The following PRH1 variants were observed in gnomAD, a reference collection of about 807,000 sequenced individuals.
PRH1 encodes the protein proline rich protein HaeIII subfamily 1.
In PRH1, 7 loss-of-function variants were observed where a neutral mutation model predicts 7.9. The observed-to-expected ratio is 0.89, with a 90% CI of 0.50 to 1.67. PRH1 has a LOEUF of 1.67. Ranked by LOEUF, PRH1 falls within the 40% of genes most tolerant of loss-of-function variation. The pLI, the probability that PRH1 is intolerant of heterozygous loss-of-function variation, is 0.00. For missense variants in PRH1, 109 were observed against 223.6 expected, an observed-to-expected ratio of 0.49 and a Z score of 3.27; for synonymous variants, 45 against 80.8, an observed-to-expected ratio of 0.56 and a Z score of 2.38.
At chr12:11,147,503 T>C (rs943507647) in intron 1 of PRH1, among the ~76,000 whole-genome samples, 1 of 152,292 alleles carries the variant, frequency 6.6e-6, no homozygotes, top group East Asian at 1.9e-4. Flanking sequence ...ATTTTTTAAA[T>C]TTACATATTG....
At chr12:11,074,576 A>C (rs1336774036) in intron 1 of PRH1, among the ~76,000 whole-genome samples, 1 of 117,546 alleles carries the variant, frequency 8.5e-6, no homozygotes, top group East Asian at 2.1e-4. Context: ...GATAGTAAAC[A>C]GTTTTGTGCA....
At chr12:11,027,589 T>C (rs189546508) in intron 1 of PRH1, among the ~76,000 whole-genome samples, 2 of 152,262 alleles carry the variant, frequency 1.3e-5, no homozygotes, top group African/African-American at 4.8e-5. Flanking sequence ...TTGAGAATAT[T>C]GCTCTGACTC....
intron 1 of PRH1, among the ~76,000 whole-genome samples, chr12:11,041,288 C>CAAAAAAAAAAAAA (rs67144212): frequency 1.2e-5 from 1 of 81,374 alleles, no homozygotes; most frequent in African/African-American, 5.4e-5. Context: ...CAATGCAAAC[C>CAAAAAAAAAAAAA]AAAAAAAAAA....
In PRH1 at chr12:10,965,169, T is replaced by C. The variant is rs574829340; in HGVS notation, c.-59+8486A>G. On this transcript the variant is annotated intron_variant, in intron 2 of 3. Transcript: ENST00000539853. Reference sequence around the variant, plus strand: ...ACAGTTGCATACCAATGTAATAATATTACCCAGAGCAAACCAACTCTGGAG... The same window carrying C: ...ACAGTTGCATACCAATGTAATAATACTACCCAGAGCAAACCAACTCTGGAG... 28 of 1,473,604 alleles carry C rather than the reference T, an allele frequency of 1.9e-5. No individual in the cohort carries two copies. In the South Asian group the frequency reaches 2.1e-4, roughly 11 times the overall value. 91.3% of individuals were successfully genotyped at this position (1,473,604 alleles called of 1,614,324 possible). A position where few individuals can be genotyped will look rare whatever the true frequency, so the allele number is the denominator to read the frequency against.
At position 10,985,954 on chromosome 12, in the gene PRH1, CT is replaced by C. The variant is rs766878060; in HGVS notation, c.-125-12234del. On this transcript the variant is annotated intron_variant, in intron 1 of 3. Transcript: ENST00000539853. ...ATCTAGAGAGTTGAGAGTTTCAGGT[CT>C]TTTACTCAGCACCTAATCTGACACA... The C allele has an allele frequency of 1.8e-5, 28 of 1,599,556 alleles. 1 individual carries two copies. In the African/African-American group the frequency reaches 3.8e-4, roughly 21 times the overall value.
chr12:11,059,502 A>G (rs1289654417), intron 1 of PRH1, among the ~76,000 whole-genome samples: 3 of 152,228 alleles, frequency 2.0e-5, no homozygotes, highest in Non-Finnish European at 4.4e-5. Context: ...TGTTTAAATA[A>G]TAATCAACTA....
chr12:10,889,348 C>T (rs897339759), intron 2 of PRH1, among the ~76,000 whole-genome samples: 1 of 152,182 alleles, frequency 6.6e-6, no homozygotes, highest in African/African-American at 2.4e-5. Flanking sequence ...CTCCTTTCTA[C>T]TGTTATTTCT....
At chr12:11,101,507 G>T (rs1467796914) in intron 1 of PRH1, among the ~76,000 whole-genome samples, 1 of 151,968 alleles carries the variant, frequency 6.6e-6, no homozygotes, top group Non-Finnish European at 1.5e-5. Flanking sequence ...AAATAGAAAA[G>T]TTTTAAATTT....
intron 1 of PRH1, among the ~76,000 whole-genome samples, chr12:11,095,794 A>C (rs1993049): frequency 3.5e-5 from 4 of 115,532 alleles, no homozygotes; most frequent in East Asian, 2.1e-4. Flanking sequence ...CAGAGTGAGA[A>C]TCCAACTCTA....
chr12:11,077,834 AG>A (rs372754384), intron 1 of PRH1: 3 of 1,045,390 alleles, frequency 2.9e-6, no homozygotes, highest in African/African-American at 1.5e-5. Flanking sequence ...AAAAATACCA[AG>A]GGACCCAACA....
chr12:11,052,148 CCAA>C (rs149045800), upstream of PRH1, among the ~76,000 whole-genome samples: 2,214 of 152,186 alleles, frequency 0.015, no homozygotes, highest in South Asian at 0.029. Flanking sequence ...TACGTTTAAT[CCAA>C]CAAGACAATA....
Position 10,882,781 on chromosome 12 carries a change from C to T in PRH1, c.101-83G>A, listed in dbSNP as rs138641166. 4.0e-3 allele frequency: 6,268 copies of T among 1,576,558 alleles called. 20 individuals carry two copies. Among genetic ancestry groups the T allele is most frequent in the South Asian group, 8.0e-3 (668 of 83,210 alleles). Reference sequence around the variant, plus strand: ...TACCTCTCTGTCTTCACCACACGGCCGGCCCCTCTCTGCCTGACCTGCCTC... The same window carrying T: ...TACCTCTCTGTCTTCACCACACGGCTGGCCCCTCTCTGCCTGACCTGCCTC... On this transcript the variant is annotated intron_variant, in intron 2 of 3. Transcript: ENST00000543626.
At chr12:11,119,533 CA>C (rs1443565084), downstream of PRH1, among the ~76,000 whole-genome samples, 1 of 151,900 alleles carries the variant, frequency 6.6e-6, no homozygotes, top group Non-Finnish European at 1.5e-5. Flanking sequence ...CCCGTGTACT[CA>C]ATACAGACCT....
At chr12:10,986,974 T>C in intron 1 of PRH1, 2 of 746,890 alleles carry the variant, frequency 2.7e-6, no homozygotes, top group Non-Finnish European at 4.0e-6. Flanking sequence ...GCAGTAACAT[T>C]CTTTTTACTT....
At chr12:10,947,426 T>C (rs986251610) in intron 2 of PRH1, among the ~76,000 whole-genome samples, 1 of 151,796 alleles carries the variant, frequency 6.6e-6, no homozygotes, top group African/African-American at 2.4e-5. Flanking sequence ...GTTTGAAACT[T>C]GTTTTGTCTG....
At chr12:11,045,564 G>A (rs1341591171) in intron 1 of PRH1, among the ~76,000 whole-genome samples, 1 of 151,938 alleles carries the variant, frequency 6.6e-6, no homozygotes, top group South Asian at 2.1e-4. Context: ...ATGTATCCAC[G>A]AAACTTAAAA....
intron 1 of PRH1, among the ~76,000 whole-genome samples, chr12:10,983,332 T>C (rs1939447079): frequency 6.6e-6 from 1 of 152,194 alleles, no homozygotes; most frequent in Non-Finnish European, 1.5e-5. Context: ...TGAAGTCATA[T>C]GCCTATAAAG....
chr12:10,902,338 A>G (rs1454073239), intron 2 of PRH1, among the ~76,000 whole-genome samples: 3 of 152,180 alleles, frequency 2.0e-5, no homozygotes, highest in Non-Finnish European at 2.9e-5. Flanking sequence ...ATTTAAAAAT[A>G]TGAATACAGT....
chr12:11,025,161 G>A (rs1462376490), intron 1 of PRH1, among the ~76,000 whole-genome samples: 2 of 152,028 alleles, frequency 1.3e-5, no homozygotes, highest in South Asian at 2.1e-4. Flanking sequence ...GGGACTGCAG[G>A]TGCCCGCCAC....
Sources: gnomAD v4.1 joint callset for allele counts (sites outside exome capture counted in the v4.1 genomes callset) on GRCh38, gnomAD v4.1.1 for gene constraint, MANE v1.5 for transcripts, NCBI Gene and HGNC (gene_info 2026-07-23, HGNC 2026-07-21) for gene names.